Variants in BTAF1 observed in about 807,000 individuals in gnomAD.
The protein encoded by BTAF1 is TATA-binding protein-associated factor 172.
BTAF1 carries 38 observed loss-of-function variants against 227.1 expected under a neutral mutation model. The observed-to-expected ratio is 0.17, with a 90% CI of 0.13 to 0.22. The LOEUF is 0.22. Among genes scored for constraint, BTAF1 ranks in the 10% least tolerant of loss-of-function variants. The pLI is 1.00. For missense variants in BTAF1, 1,598 were observed against 2,204.0 expected (o/e 0.73, Z 5.51); for synonymous variants, 742 against 751.9 (o/e 0.99, Z 0.21).
chr10:92,028,668 A>T, intron 37 of BTAF1, 122 bp from the exon 38 acceptor site: 1 of 932,248 alleles, frequency 1.1e-6, no homozygotes, highest in Admixed American at 3.4e-5. Flanking sequence ...TTTCCCCATC[A>T]CTTGAAGTAC....
intron 21 of BTAF1, 25 bp downstream of exon 21, chr10:91,992,334 A>G (rs75381783): frequency 2.8e-6 from 4 of 1,418,548 alleles, no homozygotes; most frequent in Admixed American, 4.3e-5. Flanking sequence ...TTTTTTTTTA[A>G]TGCTTTGATT....
chr10:92,020,792 A>C (rs1465358750), intron 34 of BTAF1, among the ~76,000 whole-genome samples: 3 of 152,204 alleles, frequency 2.0e-5, no homozygotes, highest in Non-Finnish European at 4.4e-5. Context: ...ATACTTAGTC[A>C]AGGAATCCTC....
At chr10:91,969,678 G>A (rs146516103) in intron 14 of BTAF1, among the ~76,000 whole-genome samples, 140 of 152,074 alleles carry the variant, frequency 9.2e-4, no homozygotes, top group African/African-American at 3.2e-3. Flanking sequence ...ATAAATCCCC[G>A]TCGGGCCCAG....
chr10:92,020,970 TCTGC>T (rs1851079280), intron 34 of BTAF1, among the ~76,000 whole-genome samples: 1 of 152,206 alleles, frequency 6.6e-6, no homozygotes, highest in African/African-American at 2.4e-5. Flanking sequence ...GCTTAGGAAG[TCTGC>T]AACTTAAAGA....
rs1251585466 is a variant in BTAF1, at chr10:91,990,182, G to A, written c.2854+602G>A. On this transcript the variant is annotated intron_variant, in intron 20 of 37. Transcript: ENST00000265990. ...TCAGTCCTATGTGCTTTTTGTATGT[G>A]TGATTGTTAACAAGATTTTGGGAAA... is the stretch of plus-strand genomic sequence containing the variant. Among the ~76,000 whole-genome samples the A allele has an allele frequency of 2.2e-5, 3 of 134,456 alleles. No individual in the cohort carries two copies. The Admixed American group carries it at 2.4e-4, about 11-fold the overall frequency. 88.2% of individuals were successfully genotyped at this position (134,456 alleles called of 152,430 possible).
chr10:91,946,313 C>T lies in BTAF1; in HGVS notation c.400+3745C>T, dbSNP rs78119265. On this transcript the variant is annotated intron_variant, in intron 4 of 37. Coordinates refer to ENST00000265990, the MANE Select transcript of BTAF1 (RefSeq NM_003972.3). ...GGCAGAGATTGCGGTGACCCAAGAT[C>T]GCGCCATTGCACTTCAGCCTGGGCA... Among the ~76,000 whole-genome samples, 294 of 152,174 alleles carry T rather than the reference C, an allele frequency of 1.9e-3. 1 individual carries two copies. The highest frequency in any genetic ancestry group is 6.5e-3 in the African/African-American group (271 of 41,530).
At chr10:91,981,962 TA>T in intron 16 of BTAF1, 120 bp from the exon 17 acceptor site, 1 of 1,375,314 alleles carries the variant, frequency 7.3e-7, no homozygotes, top group Non-Finnish European at 9.7e-7. Flanking sequence ...GTTTATCCAT[TA>T]AAATTTTGTG....
At chr10:91,988,451 G>T (rs1256291362) in intron 19 of BTAF1, among the ~76,000 whole-genome samples, 1 of 152,142 alleles carries the variant, frequency 6.6e-6, no homozygotes, top group Non-Finnish European at 1.5e-5. Flanking sequence ...TTTATGGTAT[G>T]CAAATTATAT....
Position 91,923,863 on chromosome 10 carries a change from C to A in BTAF1, c.-214C>A. On this transcript the variant is annotated 5_prime_UTR_variant, in exon 1 of 38. Transcript: ENST00000265990. Reference sequence around the variant, plus strand: ...GTCGGAGGACTGCCGCCTCCGCTACCGTCTTGGACCCCTGCTTACCGGCCG... The same window carrying A: ...GTCGGAGGACTGCCGCCTCCGCTACAGTCTTGGACCCCTGCTTACCGGCCG... 2 of 471,906 alleles carry A rather than the reference C, an allele frequency of 4.2e-6. No homozygotes were observed. The highest frequency in any genetic ancestry group is 3.6e-5 in the East Asian group (1 of 28,010). 29.2% of individuals were successfully genotyped at this position (471,906 alleles called of 1,614,324 possible).
rs754739658 is a variant in BTAF1 at position 91,942,465 on chromosome 10, G to A, written c.297G>A (p.Glu99=). The change falls in exon 4 of 38, where the codon GAG becomes GAA. Residue 99 remains glutamate (E), a synonymous_variant. Transcript: ENST00000265990. ...ESSMEDSPTT[E]RLNFDRFDIC... is the part of the protein sequence containing the mutation. ...CTATGGAAGATTCACCTACTACAGA[G>A]CGATTGAATTTTGACAGATTTGATA... 9.9e-5 allele frequency: 160 copies of A among 1,613,858 alleles called. No homozygotes were observed. The highest frequency in any genetic ancestry group is 1.3e-4 in the Non-Finnish European group (159 of 1,179,902).
chr10:91,952,262 A>G (rs1348821547), intron 5 of BTAF1, among the ~76,000 whole-genome samples: 3 of 151,996 alleles, frequency 2.0e-5, no homozygotes, highest in Non-Finnish European at 4.4e-5. Context: ...GATTGACCGC[A>G]TTCTTTTTGG....
At chr10:91,966,255 G>T (rs574737513) in intron 13 of BTAF1, among the ~76,000 whole-genome samples, 1 of 152,312 alleles carries the variant, frequency 6.6e-6, no homozygotes, top group South Asian at 2.1e-4. Flanking sequence ...CCATGGGGAA[G>T]AAGTAAGGAT....
At chr10:91,927,707 G>A (rs1004798012) in intron 1 of BTAF1, among the ~76,000 whole-genome samples, 2 of 152,258 alleles carry the variant, frequency 1.3e-5, no homozygotes, top group African/African-American at 4.8e-5. Flanking sequence ...CAAAATAATG[G>A]TATTCAAAGA....
Position 91,951,503 on chromosome 10 carries a change from A to T in BTAF1, c.501A>T (p.Glu167Asp). The T allele has an allele frequency of 6.2e-7, 1 of 1,611,522 alleles. No individual in the cohort carries two copies. Among genetic ancestry groups the T allele is most frequent in the South Asian group, 1.1e-5 (1 of 90,210 alleles). The change falls in exon 5 of 38, where the codon GAA becomes GAT. Residue 167 changes from glutamate (E) to aspartate (D), a missense_variant. Glu to Asp is a conservative substitution (Grantham distance 45). This residue lies in a region of BTAF1 where 298 missense variants were observed against 395.2 expected (regional missense o/e 0.75). Transcript: ENST00000265990. ...AAGCAATTGGAATGAGTACTGAAGA[A>T]CTTTTCAATGATGAGGATTTGGATT... ...MGEAIGMSTE[E>D]LFNDEDLDYT... is the part of the protein sequence containing the mutation.
chr10:91,984,429 A>T (rs749426727), intron 19 of BTAF1, 25 bp downstream of exon 19: 2 of 1,556,064 alleles, frequency 1.3e-6, no homozygotes, highest in South Asian at 2.3e-5. Flanking sequence ...AACTTTCTTA[A>T]TTAGAGATAG....
At chr10:91,953,659 G>A in intron 5 of BTAF1, 78 bp from the exon 6 acceptor site, 1 of 1,485,684 alleles carries the variant, frequency 6.7e-7, no homozygotes, top group East Asian at 2.3e-5. Context: ...TATAGACTTG[G>A]TCTTCTTCTG....
chr10:91,976,023 T>C (rs1847661304), intron 14 of BTAF1, among the ~76,000 whole-genome samples: 1 of 152,238 alleles, frequency 6.6e-6, no homozygotes, highest in South Asian at 2.1e-4. Flanking sequence ...GCACAACAGA[T>C]AGCAGTTGCA....
At chr10:91,930,897 A>G (rs1844233981) in intron 1 of BTAF1, among the ~76,000 whole-genome samples, 1 of 152,148 alleles carries the variant, frequency 6.6e-6, no homozygotes, top group Non-Finnish European at 1.5e-5. Context: ...TGTCTTTTTG[A>G]GGTATTCTGT....
At chr10:91,950,128 G>C (rs1845647332) in intron 4 of BTAF1, among the ~76,000 whole-genome samples, 1 of 120,082 alleles carries the variant, frequency 8.3e-6, no homozygotes, top group Non-Finnish European at 1.7e-5. Flanking sequence ...GGGTATCAGA[G>C]TGAGAGACCT....
Sources: allele counts gnomAD v4.1 joint callset (sites outside exome capture counted in the v4.1 genomes callset), GRCh38; gene constraint gnomAD v4.1.1; regional missense constraint gnomAD v4.1.1; transcripts MANE v1.5; gene names NCBI Gene and HGNC (gene_info 2026-07-23, HGNC 2026-07-21).